PTPN4: variants seen among roughly 807,000 people sequenced by gnomAD.
PTPN4 encodes protein tyrosine phosphatase non-receptor type 4, also known as tyrosine-protein phosphatase non-receptor type 4.
In PTPN4, 49 loss-of-function variants were observed where a neutral mutation model predicts 135.5. The ratio of observed to expected loss-of-function variants is 0.36; its 90% confidence interval spans 0.29 to 0.46. PTPN4 has a LOEUF of 0.46. Ranked by LOEUF, PTPN4 falls within the 20% of genes least tolerant of loss-of-function variation. The pLI, the probability that PTPN4 is intolerant of heterozygous loss-of-function variation, is 1.00. For missense variants in PTPN4, 860 were observed against 1,101.0 expected (o/e 0.78, Z 3.10); for synonymous variants, 333 against 369.9 (o/e 0.90, Z 1.14).
chr2:119,826,217 T>C (rs1349956295), intron 2 of PTPN4, among the ~76,000 whole-genome samples: 1 of 152,168 alleles, frequency 6.6e-6, no homozygotes, highest in Non-Finnish European at 1.5e-5. Context: ...TAGAACACAT[T>C]TTCCTATTTG....
chr2:119,962,522 G>A, intron 23 of PTPN4, 94 bp from the exon 24 acceptor site: 2 of 725,000 alleles, frequency 2.8e-6, no homozygotes, highest in Non-Finnish European at 3.8e-6. Flanking sequence ...ACTTTTATAT[G>A]TTTGAAATTT....
At chr2:119,783,474 T>C (rs1246533399) in intron 1 of PTPN4, among the ~76,000 whole-genome samples, 2 of 152,204 alleles carry the variant, frequency 1.3e-5, no homozygotes, top group Non-Finnish European at 2.9e-5. Context: ...GTGAATCAGA[T>C]TGAAGATTAG....
chr2:119,874,186 A>T (rs1283190509), intron 3 of PTPN4, among the ~76,000 whole-genome samples: 1 of 152,202 alleles, frequency 6.6e-6, no homozygotes, highest in African/African-American at 2.4e-5. Context: ...GATAGTGTTG[A>T]TGAGGAAGTG....
intron 2 of PTPN4, among the ~76,000 whole-genome samples, chr2:119,823,339 A>G (rs1677098583): frequency 6.7e-6 from 1 of 149,056 alleles, no homozygotes; most frequent in Admixed American, 6.8e-5. Context: ...GATTCACGCC[A>G]TTCTCCTGTC....
At chr2:119,776,276 C>T (rs776624051) in intron 1 of PTPN4, among the ~76,000 whole-genome samples, 2 of 152,108 alleles carry the variant, frequency 1.3e-5, no homozygotes, top group Non-Finnish European at 2.9e-5. Context: ...CCTGGGTTCA[C>T]GCCATTCTCC....
intron 1 of PTPN4, among the ~76,000 whole-genome samples, chr2:119,793,141 A>G (rs2104936756): frequency 6.6e-6 from 1 of 152,316 alleles, no homozygotes; most frequent in South Asian, 2.1e-4. Flanking sequence ...ACGCTGCAGG[A>G]GACCAGGGCG....
chr2:119,883,865 T>C (rs970143891), intron 8 of PTPN4, among the ~76,000 whole-genome samples: 4 of 152,210 alleles, frequency 2.6e-5, no homozygotes, highest in Non-Finnish European at 5.9e-5. Context: ...AAAACTTACT[T>C]TCTTTTACTA....
chr2:119,770,509 C>T (rs912699538), intron 1 of PTPN4, among the ~76,000 whole-genome samples: 5 of 152,058 alleles, frequency 3.3e-5, no homozygotes, highest in Middle Eastern at 3.2e-3. Context: ...TTTGTATATT[C>T]TATGGTATTT....
intron 5 of PTPN4, among the ~76,000 whole-genome samples, chr2:119,877,857 T>G (rs1010172868): frequency 6.6e-6 from 1 of 151,832 alleles, no homozygotes; most frequent in African/African-American, 2.4e-5. Flanking sequence ...TGTGCTGAAA[T>G]TGTATCCAAA....
rs1019872460 is a variant in PTPN4 at position 119,983,291 on chromosome 2, C to T, written c.*6221C>T. ...AAGGGGGAGATAGCCCCGCTCACAC[C>T]CTTAGACCCAAACAGGTGCTGGTTC... On this transcript the variant is annotated 3_prime_UTR_variant, in exon 27 of 27. Transcript: ENST00000263708. The T allele has an allele frequency of 1.3e-5, 2 of 152,134 alleles. No individual in the cohort carries two copies. The highest frequency in any genetic ancestry group is 2.9e-5 in the Non-Finnish European group (2 of 68,042). The allele number at this position is 152,134 out of a possible 1,614,324, so 9.4% of individuals were successfully genotyped here. A position where few individuals can be genotyped will look rare whatever the true frequency, so the allele number is the denominator to read the frequency against.
intron 1 of PTPN4, among the ~76,000 whole-genome samples, chr2:119,766,456 GTGTGT>G (rs1690627031): frequency 9.1e-6 from 1 of 110,116 alleles, no homozygotes; most frequent in African/African-American, 3.6e-5. Context: ...GCGCGTGTGT[GTGTGT>G]GTGTGTGTGT....
At chr2:119,921,231 A>T (rs1039590419) in intron 12 of PTPN4, among the ~76,000 whole-genome samples, 2 of 152,134 alleles carry the variant, frequency 1.3e-5, no homozygotes, top group African/African-American at 4.8e-5. Context: ...GGGTTTCATG[A>T]GCCGACATCT....
chr2:119,903,684 CTA>C (rs893590374), intron 10 of PTPN4, among the ~76,000 whole-genome samples: 1 of 152,144 alleles, frequency 6.6e-6, no homozygotes, highest in Non-Finnish European at 1.5e-5. Context: ...GCCTCTACCA[CTA>C]TTGTCCCCCA....
intron 9 of PTPN4, among the ~76,000 whole-genome samples, chr2:119,890,446 A>G (rs1225145795): frequency 2.0e-5 from 3 of 152,150 alleles, no homozygotes; most frequent in Non-Finnish European, 2.9e-5. Flanking sequence ...ATATAGTTGA[A>G]TTATGTATTT....
rs190364404 is a variant in PTPN4, at chr2:119,979,599, A to G, written c.*2529A>G. 6.6e-6 allele frequency: 1 copy of G among 152,162 alleles called. No homozygotes were observed. The highest frequency in any genetic ancestry group is 2.4e-5 in the African/African-American group (1 of 41,456). The allele number at this position is 152,162 out of a possible 1,614,324, so 9.4% of individuals were successfully genotyped here. A position where few individuals can be genotyped will look rare whatever the true frequency, so the allele number is the denominator to read the frequency against. ...TAATAGATAAGACTTTATCCATTAC[A>G]TCTAAGAACTTTTTAACCTGTATAT... is the stretch of plus-strand genomic sequence containing the variant. On this transcript the variant is annotated 3_prime_UTR_variant, in exon 27 of 27. Coordinates refer to ENST00000263708, the MANE Select transcript of PTPN4 (RefSeq NM_002830.4).
In PTPN4 at chr2:119,978,444, CAATT is replaced by C. The variant is rs1679648724; in HGVS notation, c.*1377_*1380del. The C allele has an allele frequency of 1.3e-5, 2 of 151,802 alleles. No individual in the cohort carries two copies. The allele number at this position is 151,802 out of a possible 1,614,324, so 9.4% of individuals were successfully genotyped here. A position where few individuals can be genotyped will look rare whatever the true frequency, so the allele number is the denominator to read the frequency against. On this transcript the variant is annotated 3_prime_UTR_variant, in exon 27 of 27. Coordinates refer to ENST00000263708, the MANE Select transcript of PTPN4 (RefSeq NM_002830.4). ...GAGAATTTTCTTGTTTTTTTGTGTA[CAATT>C]AAATTATTCCATTTTATATATACTT...
At chr2:119,772,828 C>T (rs545404202) in intron 1 of PTPN4, among the ~76,000 whole-genome samples, 159 of 152,264 alleles carry the variant, frequency 1.0e-3, no homozygotes, top group African/African-American at 3.7e-3. Flanking sequence ...CGTGAGCCAC[C>T]GTGCCTGGCC....
intron 2 of PTPN4, among the ~76,000 whole-genome samples, chr2:119,856,642 T>C (rs1404651293): frequency 6.6e-6 from 1 of 152,168 alleles, no homozygotes; most frequent in Non-Finnish European, 1.5e-5. Context: ...GTTGTCCAAA[T>C]GGGCCATGGC....
intron 3 of PTPN4, among the ~76,000 whole-genome samples, chr2:119,875,044 A>C (rs2104996655): frequency 6.6e-6 from 1 of 152,288 alleles, no homozygotes; most frequent in Non-Finnish European, 1.5e-5. Context: ...ATATACTTAA[A>C]TGCCATTTGT....
Sources: gnomAD v4.1 joint callset for allele counts (sites outside exome capture counted in the v4.1 genomes callset) on GRCh38, gnomAD v4.1.1 for gene constraint, MANE v1.5 for transcripts, NCBI Gene and HGNC (gene_info 2026-07-23, HGNC 2026-07-21) for gene names.